GARS1: variants seen among roughly 807,000 people sequenced by gnomAD.
GARS1 encodes glycyl-tRNA synthetase 1, also known as glycine--tRNA ligase.
A neutral mutation model predicts 86.4 loss-of-function variants in GARS1; 46 were observed. The ratio of observed to expected loss-of-function variants is 0.53; its 90% CI spans 0.42 to 0.68. The LOEUF (loss-of-function observed/expected upper bound fraction) is 0.68. Among genes scored for constraint, GARS1 ranks in the 30% least tolerant of loss-of-function variants. The pLI, the probability that GARS1 is intolerant of heterozygous loss-of-function variation, is 0.00. For synonymous variants in GARS1, 342 were observed against 329.8 expected, an observed-to-expected ratio of 1.04 and a Z score of -0.40; for missense variants, 797 against 915.6, an observed-to-expected ratio of 0.87 and a Z score of 1.67.
intron 1 of GARS1, among the ~76,000 whole-genome samples, chr7:30,597,862 A>T (rs950847568): frequency 2.0e-5 from 3 of 152,190 alleles, no homozygotes; most frequent in African/African-American, 7.2e-5. Flanking sequence ...AACAACTTTA[A>T]TTACTCAGCT....
Position 30,632,153 on chromosome 7 carries a change from T to A in GARS1, c.1904-94T>A. ...TGTTGCTTTCTTGTCTTGGTCCCAT[T>A]TATAAGTCTCCTGAGCTTGTAAGAC... is the stretch of plus-strand genomic sequence containing the variant. On this transcript the variant is annotated intron_variant, in intron 15 of 16. Coordinates refer to ENST00000389266, the MANE Select transcript of GARS1 (RefSeq NM_002047.4). The surrounding 1 kb of genome is among the most constrained non-coding windows in gnomAD (Gnocchi z 4.1). 1 of 1,204,654 alleles carries A rather than the reference T, an allele frequency of 8.3e-7. No homozygotes were observed. Among genetic ancestry groups the A allele is most frequent in the Non-Finnish European group, 1.2e-6 (1 of 830,216 alleles). 74.6% of individuals were successfully genotyped at this position (1,204,654 alleles called of 1,614,324 possible).
chr7:30,597,929 C>A (rs1791288962), intron 1 of GARS1, among the ~76,000 whole-genome samples: 1 of 152,100 alleles, frequency 6.6e-6, no homozygotes, highest in Non-Finnish European at 1.5e-5. Context: ...ATGACCTATT[C>A]CACCATATTA....
At chr7:30,629,020 A>T (rs1783185696) in intron 14 of GARS1, among the ~76,000 whole-genome samples, 1 of 152,136 alleles carries the variant, frequency 6.6e-6, no homozygotes, top group Non-Finnish European at 1.5e-5. Flanking sequence ...AACTCCTAGA[A>T]TTTAGCCAGA....
intron 5 of GARS1, 54 bp downstream of exon 5, chr7:30,603,176 T>G: frequency 2.1e-6 from 3 of 1,404,984 alleles, no homozygotes; most frequent in Non-Finnish European, 3.0e-6. Flanking sequence ...AGGTTTAAAC[T>G]TTCTCTCAGA....
chr7:30,627,744 G>A (rs577213458), intron 13 of GARS1, among the ~76,000 whole-genome samples: 1 of 152,266 alleles, frequency 6.6e-6, no homozygotes, highest in South Asian at 2.1e-4. Flanking sequence ...CCAGTAATTT[G>A]GTTCTGAACA....
chr7:30,632,458 C>T lies in GARS1; in HGVS notation c.2094+21C>T, dbSNP rs370905331. ...CAGAGGTATCTGGCCTTCTCTTTGG[C>T]ATTTTTAGCCTTAGAAATGTGTACT... On this transcript the variant is annotated intron_variant, in intron 16 of 16. Coordinates refer to ENST00000389266, the MANE Select transcript of GARS1 (RefSeq NM_002047.4). The surrounding 1 kb of genome is among the most constrained non-coding windows in gnomAD (Gnocchi z 4.1). The T allele has an allele frequency of 3.1e-6, 5 of 1,612,352 alleles. No homozygotes were observed. Among genetic ancestry groups the T allele is most frequent in the Non-Finnish European group, 4.2e-6 (5 of 1,178,612 alleles).
intron 6 of GARS1, among the ~76,000 whole-genome samples, chr7:30,604,109 A>G (rs893408385): frequency 1.3e-5 from 2 of 152,218 alleles, no homozygotes; most frequent in African/African-American, 4.8e-5. Context: ...AAGAGACCAC[A>G]GAGATAATTT....
At chr7:30,603,349 A>G (rs1182730898) in intron 5 of GARS1, 147 bp from the exon 6 acceptor site, 7 of 746,610 alleles carry the variant, frequency 9.4e-6, no homozygotes, top group Middle Eastern at 3.6e-4. Flanking sequence ...AGACAATACC[A>G]TGACTGCTGT....
chr7:30,607,012 G>T (rs1205079205), intron 6 of GARS1, among the ~76,000 whole-genome samples: 1 of 152,152 alleles, frequency 6.6e-6, no homozygotes, highest in East Asian at 1.9e-4. Flanking sequence ...TACGTTAACA[G>T]TCTCAGAATG....
chr7:30,598,104 A>AT (rs539224096), intron 1 of GARS1, among the ~76,000 whole-genome samples: 15 of 151,420 alleles, frequency 9.9e-5, no homozygotes, highest in African/African-American at 2.2e-4. Flanking sequence ...TAATGTTTTT[A>AT]TTTTTTTTTG....
chr7:30,595,004 C>A lies in GARS1; in HGVS notation c.83C>A (p.Pro28His). 4 of 1,587,352 alleles carry A rather than the reference C, an allele frequency of 2.5e-6. No individual in the cohort carries two copies. Among genetic ancestry groups the A allele is most frequent in the Non-Finnish European group, 3.4e-6 (4 of 1,174,500 alleles). The change falls in exon 1 of 17, where the codon CCC becomes CAC. Residue 28 changes from proline to histidine, a missense_variant. Transcript: ENST00000389266. Reference sequence around the variant, plus strand: ...CTGCCGCCCCGGCTCTTAGCCCGACCCTCGCTCCTGCTCCGCCGGTCCCTC... The same window carrying A: ...CTGCCGCCCCGGCTCTTAGCCCGACACTCGCTCCTGCTCCGCCGGTCCCTC... ...LLLPPRLLAR[P>H]SLLLRRSLSA...
At chr7:30,613,431 G>A (rs188315838) in intron 8 of GARS1, among the ~76,000 whole-genome samples, 28 of 152,246 alleles carry the variant, frequency 1.8e-4, no homozygotes, top group Admixed American at 1.6e-3. Context: ...GTTTTTCACC[G>A]TTTCAATATC....
At chr7:30,625,576 T>TGAA (rs1225662032) in intron 12 of GARS1, among the ~76,000 whole-genome samples, 2 of 152,182 alleles carry the variant, frequency 1.3e-5, no homozygotes, top group Non-Finnish European at 2.9e-5. Flanking sequence ...CCTCCTAAGC[T>TGAA]GAAATACAGG....
chr7:30,603,424 T>A, intron 5 of GARS1, 72 bp from the exon 6 acceptor site: 1 of 1,204,402 alleles, frequency 8.3e-7, no homozygotes. Context: ...TTTTTAATTG[T>A]CTAGCATTGA....
chr7:30,622,433 A>T lies in GARS1; in HGVS notation c.1584A>T (p.Thr528=). Reference sequence around the variant, plus strand: ...CCATTTGTGATGAGTGCTACATTACAGAAATGGAGATGCTGCTGAATGAGA... The same window carrying T: ...CCATTTGTGATGAGTGCTACATTACTGAAATGGAGATGCTGCTGAATGAGA... The part of the protein sequence containing the change: ...YLAICDECYI[T]EMEMLLNEKG... Residue 528 remains threonine, a synonymous_variant, in exon 12 of 17, where the codon ACA becomes ACT. Transcript: ENST00000389266. The T allele has an allele frequency of 6.2e-7, 1 of 1,614,166 alleles. No individual in the cohort carries two copies. The highest frequency in any genetic ancestry group is 8.5e-7 in the Non-Finnish European group (1 of 1,180,008).
chr7:30,612,317 T>G, intron 8 of GARS1, 72 bp downstream of exon 8: 1 of 1,373,406 alleles, frequency 7.3e-7, no homozygotes, highest in African/African-American at 1.4e-5. Flanking sequence ...GCTTGCTGTT[T>G]TGAAGCAATT....
chr7:30,601,730 C>T (rs938925205), intron 4 of GARS1, among the ~76,000 whole-genome samples: 6 of 152,186 alleles, frequency 3.9e-5, no homozygotes, highest in African/African-American at 1.2e-4. Flanking sequence ...AGTTTCAATG[C>T]AGAAACTTAG....
At chr7:30,630,442 G>A (rs1408378153) in intron 14 of GARS1, among the ~76,000 whole-genome samples, 2 of 150,924 alleles carry the variant, frequency 1.3e-5, no homozygotes, top group Non-Finnish European at 2.9e-5. Context: ...CAAGTATTAA[G>A]AACTGCCTTC....
chr7:30,608,274 C>A (rs2128133600), intron 6 of GARS1, among the ~76,000 whole-genome samples: 2 of 152,270 alleles, frequency 1.3e-5, no homozygotes, highest in South Asian at 4.1e-4. Flanking sequence ...AGGGGTTTTG[C>A]TTTCTATCTG....
Sources: gnomAD v4.1 joint callset for allele counts (sites outside exome capture counted in the v4.1 genomes callset) on GRCh38, gnomAD v4.1.1 for gene constraint, Gnocchi (gnomAD v3.1) non-coding constraint, MANE v1.5 for transcripts, NCBI Gene and HGNC (gene_info 2026-07-23, HGNC 2026-07-21) for gene names.